Variants in ANXA9 observed in about 807,000 individuals in gnomAD.
The protein encoded by ANXA9 is annexin 31.
ANXA9 carries 47 observed loss-of-function variants against 51.8 expected under a neutral mutation model. The ratio of observed to expected loss-of-function variants is 0.91; its 90% CI spans 0.72 to 1.16. The LOEUF (loss-of-function observed/expected upper bound fraction) is 1.16. ANXA9 is among the 50% of genes most tolerant of loss of function. ANXA9 has a pLI of 0.00. For missense variants in ANXA9, 361 were observed against 424.7 expected, an observed-to-expected ratio of 0.85 and a Z score of 1.32; for synonymous variants, 154 against 168.7, an observed-to-expected ratio of 0.91 and a Z score of 0.68.
chr1:150,979,877 TTTAA>T (rs1348097698), upstream of ANXA9, among the ~76,000 whole-genome samples: 1 of 152,230 alleles, frequency 6.6e-6, no homozygotes, highest in Non-Finnish European at 1.5e-5. Flanking sequence ...ACTGTAGTTA[TTTAA>T]TTCTCACAAC....
chr1:150,991,163 TA>T (rs1671689565), intron 12 of ANXA9, among the ~76,000 whole-genome samples: 1 of 150,430 alleles, frequency 6.6e-6, no homozygotes. Context: ...ATAATAATAA[TA>T]AATAAATAAA....
chr1:150,978,109 C>T (rs11583707), upstream of ANXA9, among the ~76,000 whole-genome samples: 46,444 of 151,588 alleles, frequency 0.31, 8,290 homozygotes, highest in South Asian at 0.5. Flanking sequence ...GCCCTCCAGC[C>T]TGGCAACAGA....
At chr1:150,983,702 G>T (rs758111459) in intron 4 of ANXA9, among the ~76,000 whole-genome samples, 8 of 152,132 alleles carry the variant, frequency 5.3e-5, no homozygotes, top group Non-Finnish European at 8.8e-5. Flanking sequence ...CATGACGGAG[G>T]TGGTATTCTC....
chr1:150,977,341 C>T (rs998780167), upstream of ANXA9, among the ~76,000 whole-genome samples: 3 of 152,156 alleles, frequency 2.0e-5, no homozygotes, highest in Non-Finnish European at 2.9e-5. Flanking sequence ...GAAACTGGGC[C>T]TCAGCCAGCA....
At chr1:150,990,563 C>T (rs1043064591) in intron 12 of ANXA9, among the ~76,000 whole-genome samples, 9 of 152,118 alleles carry the variant, frequency 5.9e-5, no homozygotes, top group Admixed American at 1.3e-4. Flanking sequence ...AGGAAAAACT[C>T]GGGCTGGGCG....
intron 7 of ANXA9, among the ~76,000 whole-genome samples, chr1:150,986,098 C>T (rs1353281221): frequency 2.0e-5 from 3 of 152,160 alleles, no homozygotes; most frequent in Non-Finnish European, 2.9e-5. Context: ...TTGCCTCCTG[C>T]CCAGCAGGTT....
intron 12 of ANXA9, 116 bp downstream of exon 12, chr1:150,988,457 C>T: frequency 7.9e-7 from 1 of 1,261,018 alleles, no homozygotes; most frequent in Non-Finnish European, 1.1e-6. Context: ...AAGCCGCTCT[C>T]CTTCCCAGGG....
At chr1:150,987,399 C>T (rs1671590553) in intron 9 of ANXA9, among the ~76,000 whole-genome samples, 1 of 151,310 alleles carries the variant, frequency 6.6e-6, no homozygotes, top group South Asian at 2.1e-4. Flanking sequence ...CACACACACA[C>T]ACACGCACAC....
chr1:150,986,586 C>G lies in ANXA9; in HGVS notation c.553-16C>G, dbSNP rs774696006. On this transcript the variant is annotated splice_polypyrimidine_tract_variant and intron_variant, in intron 8 of 13. Transcript: ENST00000368947. Reference sequence around the variant, plus strand: ...TGCCCTTCAAAGAGCCCTCTAAGAACAGTTTCTCCTCCTAGGGGGGCCGTG... The same window carrying G: ...TGCCCTTCAAAGAGCCCTCTAAGAAGAGTTTCTCCTCCTAGGGGGGCCGTG... 1 of 1,610,934 alleles carries G rather than the reference C, an allele frequency of 6.2e-7. No homozygotes were observed. Among genetic ancestry groups the G allele is most frequent in the Admixed American group, 1.7e-5 (1 of 59,014 alleles).
At chr1:150,991,069 G>A (rs1281994388) in intron 12 of ANXA9, among the ~76,000 whole-genome samples, 2 of 151,242 alleles carry the variant, frequency 1.3e-5, no homozygotes, top group African/African-American at 4.9e-5. Flanking sequence ...CTTGAACCCA[G>A]GAGGCGGAGC....
upstream of ANXA9, among the ~76,000 whole-genome samples, chr1:150,980,899 T>G (rs1558037212): frequency 6.6e-6 from 1 of 151,798 alleles, no homozygotes; most frequent in Non-Finnish European, 1.5e-5. Context: ...ATTTATTTAT[T>G]TATTTATTTA....
chr1:150,992,141 A>G (rs1671720168), intron 12 of ANXA9, among the ~76,000 whole-genome samples: 1 of 152,228 alleles, frequency 6.6e-6, no homozygotes, highest in Non-Finnish European at 1.5e-5. Context: ...CAGAAAAACA[A>G]CCTTCAGAAA....
At position 150,984,319 on chromosome 1, in the gene ANXA9, C is replaced by A; in HGVS notation, c.306C>A (p.Asn102Lys). The change falls in exon 6 of 14, where the codon AAC becomes AAA. Residue 102 changes from asparagine to lysine, a missense_variant. Physicochemically the swap from Asn to Lys is moderately conservative, Grantham distance 94. Transcript: ENST00000368947. Reference sequence around the variant, plus strand: ...CTCTACAGGCAGCACTTTCCGGCAACCTGGAGAGGATTGTGATGGCTCTGC... The same window carrying A: ...CTCTACAGGCAGCACTTTCCGGCAAACTGGAGAGGATTGTGATGGCTCTGC... ...MKSLQAALSGNLERIVMALLQ... is the reference protein window; with the variant it reads ...MKSLQAALSGKLERIVMALLQ... 1 of 1,614,136 alleles carries A rather than the reference C, an allele frequency of 6.2e-7. No homozygotes were observed. Among genetic ancestry groups the A allele is most frequent in the African/African-American group, 1.3e-5 (1 of 75,022 alleles).
chr1:150,987,687 C>T (rs1257939847), intron 9 of ANXA9, among the ~76,000 whole-genome samples, 185 bp from the exon 10 acceptor site: 1 of 150,186 alleles, frequency 6.7e-6, no homozygotes, highest in African/African-American at 2.5e-5. Flanking sequence ...GGGATCACAC[C>T]ATTGCACTCC....
At chr1:150,978,520 C>G (rs1571683190), upstream of ANXA9, among the ~76,000 whole-genome samples, 2 of 152,232 alleles carry the variant, frequency 1.3e-5, no homozygotes, top group South Asian at 4.1e-4. Flanking sequence ...GGCTGCCTTT[C>G]CCCTGTATTC....
chr1:150,988,075 C>T lies in ANXA9; in HGVS notation c.698-16C>T. On this transcript the variant is annotated splice_polypyrimidine_tract_variant and intron_variant, in intron 10 of 13. Transcript: ENST00000368947. ...ATCCCCCATCCATCTTTCTAACTGC[C>T]TCCTACACACACAAGTGTTTGATCA... 6.2e-7 allele frequency: 1 copy of T among 1,614,140 alleles called. No homozygotes were observed.
In ANXA9 at chr1:150,995,489, C is replaced by G. The variant is rs587700682; in HGVS notation, c.*167C>G. The G allele has an allele frequency of 2.2e-5, 13 of 603,428 alleles. No homozygotes were observed. In the African/African-American group the frequency reaches 2.5e-4, roughly 12 times the overall value. 37.4% of individuals were successfully genotyped at this position (603,428 alleles called of 1,614,324 possible). ...TGTTTCTTTAAAATCCCTTAATTTT[C>G]CCATCTCAAAATTATATCTGTACCT... On this transcript the variant is annotated 3_prime_UTR_variant, in exon 14 of 14. Coordinates refer to ENST00000368947, the MANE Select transcript of ANXA9 (RefSeq NM_003568.3).
At chr1:150,989,659 C>G (rs746788637) in intron 12 of ANXA9, among the ~76,000 whole-genome samples, 1 of 152,118 alleles carries the variant, frequency 6.6e-6, no homozygotes, top group Admixed American at 6.5e-5. Context: ...CCACTGCACT[C>G]CAGCCTGGGT....
intron 5 of ANXA9, 24 bp from the exon 6 acceptor site, chr1:150,984,257 T>G (rs1671495095): frequency 6.2e-7 from 1 of 1,603,310 alleles, no homozygotes; most frequent in Non-Finnish European, 8.5e-7. Flanking sequence ...CCCGTCCCTC[T>G]GCTGTGAGGA....
Sources: gnomAD v4.1 joint callset for allele counts (sites outside exome capture counted in the v4.1 genomes callset) on GRCh38, gnomAD v4.1.1 for gene constraint, MANE v1.5 for transcripts, NCBI Gene and HGNC (gene_info 2026-07-23, HGNC 2026-07-21) for gene names.